Variants in LEPROTL1 observed in about 807,000 individuals in gnomAD.
The protein encoded by LEPROTL1 is leptin receptor overlapping transcript-like 1.
In LEPROTL1, 6 loss-of-function variants were observed where a neutral mutation model predicts 15.4. The ratio of observed to expected loss-of-function variants is 0.39; its 90% CI spans 0.21 to 0.77. The LOEUF (loss-of-function observed/expected upper bound fraction) is 0.77, where lower values mean the gene tolerates loss of function less well. Among genes scored for constraint, LEPROTL1 ranks in the 30% least tolerant of loss-of-function variants. The pLI, the probability that LEPROTL1 is intolerant of heterozygous loss-of-function variation, is 0.41. For missense variants in LEPROTL1, 128 were observed against 158.1 expected, an observed-to-expected ratio of 0.81 and a Z score of 1.02; for synonymous variants, 56 against 52.6, an observed-to-expected ratio of 1.06 and a Z score of -0.28.
At chr8:30,137,186 C>A in intron 4 of LEPROTL1, 1 of 1,030,554 alleles carries the variant, frequency 9.7e-7, no homozygotes. Flanking sequence ...GATCACAAAG[C>A]AATGTTTCCT....
At chr8:30,099,821 C>T (rs1802434287) in intron 1 of LEPROTL1, among the ~76,000 whole-genome samples, 1 of 150,436 alleles carries the variant, frequency 6.6e-6, no homozygotes, top group East Asian at 2.0e-4. Flanking sequence ...AAAGTGTGCA[C>T]AGGCCACGTG....
At chr8:30,130,750 G>A (rs1427159840) in intron 3 of LEPROTL1, among the ~76,000 whole-genome samples, 1 of 149,000 alleles carries the variant, frequency 6.7e-6, no homozygotes, top group Non-Finnish European at 1.5e-5. Flanking sequence ...TTATTTTTAG[G>A]ACAATTTTTT....
intron 3 of LEPROTL1, chr8:30,132,036 G>A: frequency 6.4e-7 from 1 of 1,551,886 alleles, no homozygotes; most frequent in Non-Finnish European, 8.7e-7. Context: ...AGAGCAACCA[G>A]AGAGAGGAGA....
chr8:30,132,438 A>G, exon 4 of LEPROTL1: 2 of 1,551,742 alleles, frequency 1.3e-6, no homozygotes, highest in Non-Finnish European at 1.7e-6. Flanking sequence ...GCTCAGGCCC[A>G]AAGCCCGCTG....
chr8:30,107,076 A>G lies in LEPROTL1; in HGVS notation c.*1214A>G. ...TTCTTATTCTCTAAGGTTATATCAT[A>G]TGTAATTTAAAAGTATTTTTAAGAC... On this transcript the variant is annotated 3_prime_UTR_variant, in exon 4 of 4. Transcript: ENST00000321250. The G allele has an allele frequency of 2.0e-6, 2 of 975,990 alleles. No individual in the cohort carries two copies. The highest frequency in any genetic ancestry group is 1.1e-3 in the Middle Eastern group (2 of 1,892). 60.5% of individuals were successfully genotyped at this position (975,990 alleles called of 1,614,324 possible).
chr8:30,097,729 AT>A (rs1378261681), intron 1 of LEPROTL1, among the ~76,000 whole-genome samples: 1 of 149,806 alleles, frequency 6.7e-6, no homozygotes, highest in African/African-American at 2.5e-5. Context: ...ACACACACAT[AT>A]TTAGTATTTA....
chr8:30,131,372 C>T (rs1803013144), intron 3 of LEPROTL1, among the ~76,000 whole-genome samples: 1 of 150,812 alleles, frequency 6.6e-6, no homozygotes, highest in Non-Finnish European at 1.5e-5. Context: ...CCAACCTGGT[C>T]TCAAACCCTG....
chr8:30,100,657 AC>A (rs1802450512), intron 1 of LEPROTL1, among the ~76,000 whole-genome samples: 1 of 152,102 alleles, frequency 6.6e-6, no homozygotes, highest in Non-Finnish European at 1.5e-5. Context: ...CACCATACTG[AC>A]CAGGCTGGTC....
chr8:30,117,801 C>G, intron 3 of LEPROTL1: 1 of 708,786 alleles, frequency 1.4e-6, no homozygotes, highest in Non-Finnish European at 2.5e-6. Context: ...AGAAAGATGG[C>G]AGGAGGAGCA....
chr8:30,118,019 G>GTT (rs34271690), intron 3 of LEPROTL1, among the ~76,000 whole-genome samples: 36 of 26,762 alleles, frequency 1.3e-3, no homozygotes, highest in African/African-American at 4.0e-3. Context: ...TTTTTGATTT[G>GTT]TTTTTTTTTT....
rs780537237 is a variant in LEPROTL1 at position 30,132,317 on chromosome 8, G to A, written c.280-58G>A. 8.6e-5 allele frequency: 134 copies of A among 1,551,734 alleles called. 1 individual carries two copies. The South Asian group carries it at 1.3e-3, about 15-fold the overall frequency. On this transcript the variant is annotated intron_variant, in intron 3 of 4. Transcript: ENST00000442880. ...TGGAATACAAGCCGTCGGAGCCATC[G>A]AGCTGTGCTTTGGTTCCACTTTCTT...
intron 3 of LEPROTL1, among the ~76,000 whole-genome samples, chr8:30,126,068 T>C (rs554142145): frequency 1.1e-4 from 17 of 152,202 alleles, no homozygotes; most frequent in Non-Finnish European, 1.6e-4. Context: ...TATCTAATAG[T>C]TGGCATTCTA....
In LEPROTL1 at chr8:30,104,318, T is replaced by C; in HGVS notation, c.111T>C (p.Phe37=). ...TTTCTAGCAAATACTGGCCCCTCTT[T>C]GTTCTATTTTTTTACATCCTTTCAC... ...LPIYNKYWPL[F]VLFFYILSPI... The change falls in exon 3 of 4, where the codon TTT becomes TTC. Residue 37 remains phenylalanine, a synonymous_variant. Coordinates refer to ENST00000321250, the MANE Select transcript of LEPROTL1 (RefSeq NM_015344.3). 1 of 1,539,380 alleles carries C rather than the reference T, an allele frequency of 6.5e-7. No individual in the cohort carries two copies. Among genetic ancestry groups the C allele is most frequent in the Non-Finnish European group, 8.8e-7 (1 of 1,140,982 alleles).
At chr8:30,127,683 A>ATAC (rs377167303) in intron 3 of LEPROTL1, among the ~76,000 whole-genome samples, 1 of 62,228 alleles carries the variant, frequency 1.6e-5, no homozygotes, top group Non-Finnish European at 4.1e-5. Context: ...AAAAAAAAAA[A>ATAC]ATACACACAC....
intron 2 of LEPROTL1, among the ~76,000 whole-genome samples, chr8:30,103,672 G>A (rs1299764198): frequency 6.6e-6 from 1 of 150,934 alleles, no homozygotes; most frequent in Non-Finnish European, 1.5e-5. Flanking sequence ...AACCCAGGAG[G>A]CAGAAGTTGC....
rs1014987557 is a variant in LEPROTL1 at position 30,107,276 on chromosome 8, T to A, written c.*1414T>A. On this transcript the variant is annotated 3_prime_UTR_variant, in exon 4 of 4. Coordinates refer to ENST00000321250, the MANE Select transcript of LEPROTL1 (RefSeq NM_015344.3). ...ATTCCCAGTAACCAGGCATGATCAA[T>A]TTATAGTGGTCGTTTACATCTAATA... 8.8e-5 allele frequency: 87 copies of A among 985,440 alleles called. No homozygotes were observed. Among genetic ancestry groups the A allele is most frequent in the Non-Finnish European group, 1.0e-4 (86 of 829,880 alleles). The allele number at this position is 985,440 out of a possible 1,614,324, so 61.0% of individuals were successfully genotyped here.
chr8:30,114,435 C>T (rs1018731273), intron 3 of LEPROTL1, among the ~76,000 whole-genome samples: 1 of 151,972 alleles, frequency 6.6e-6, no homozygotes, highest in Non-Finnish European at 1.5e-5. Context: ...GGATTACAGG[C>T]GCCCACCAGC....
At chr8:30,100,733 G>A (rs1802452726) in intron 1 of LEPROTL1, among the ~76,000 whole-genome samples, 1 of 152,244 alleles carries the variant, frequency 6.6e-6, no homozygotes, top group African/African-American at 2.4e-5. Flanking sequence ...ACAGGCGTGA[G>A]CCACTGCACT....
intron 3 of LEPROTL1, among the ~76,000 whole-genome samples, chr8:30,124,161 C>T (rs1234681046): frequency 6.6e-6 from 1 of 152,048 alleles, no homozygotes; most frequent in South Asian, 2.1e-4. Flanking sequence ...ACAGACCAAC[C>T]TTGATTCAAT....
Sources: allele counts gnomAD v4.1 joint callset (sites outside exome capture counted in the v4.1 genomes callset), GRCh38; gene constraint gnomAD v4.1.1; transcripts MANE v1.5; gene names NCBI Gene and HGNC (gene_info 2026-07-23, HGNC 2026-07-21).